FAM20C: variants seen among roughly 807,000 people sequenced by gnomAD.
FAM20C encodes extracellular serine/threonine protein kinase FAM20C.
In FAM20C, 40 loss-of-function variants were observed where a neutral mutation model predicts 51.5. The observed-to-expected ratio is 0.78, with a 90% CI of 0.60 to 1.01. FAM20C has a LOEUF of 1.01. FAM20C is among the 50% of genes least tolerant of loss of function. FAM20C has a pLI of 0.00. For missense variants in FAM20C, 861 were observed against 844.7 expected (o/e 1.02, Z -0.24); for synonymous variants, 406 against 380.6 (o/e 1.07, Z -0.78).
chr7:201,626 C>T (rs1786130574), intron 2 of FAM20C, among the ~76,000 whole-genome samples: 1 of 152,228 alleles, frequency 6.6e-6, no homozygotes, highest in African/African-American at 2.4e-5. Context: ...TGTGGCTTGC[C>T]TAAGGCCACA....
chr7:242,153 C>G (rs1266596554), intron 3 of FAM20C, among the ~76,000 whole-genome samples: 1 of 152,134 alleles, frequency 6.6e-6, no homozygotes, highest in Non-Finnish European at 1.5e-5. Flanking sequence ...CATCACCACA[C>G]GGTGAGCTCC....
intron 3 of FAM20C, among the ~76,000 whole-genome samples, chr7:233,127 C>T (rs1445518041): frequency 2.0e-5 from 3 of 152,228 alleles, no homozygotes; most frequent in South Asian, 2.1e-4. Flanking sequence ...TTCCAGACCT[C>T]GGTTTCCTTG....
At position 251,519 on chromosome 7, in the gene FAM20C, C is replaced by CAAA. The variant is rs748298637; in HGVS notation, c.1072+3099_1072+3101dup. On this transcript the variant is annotated intron_variant, in intron 5 of 9. Coordinates refer to ENST00000313766, the MANE Select transcript of FAM20C (RefSeq NM_020223.4). ...TGGGTGACAGAGTGAGACCCCGTCT[C>CAAA]AAAAAAAAAAAAGACTGAGTTGATT... Among the ~76,000 whole-genome samples, 579 of 137,364 alleles carry CAAA rather than the reference C, an allele frequency of 4.2e-3. 3 individuals are homozygous for CAAA. In the Middle Eastern group the frequency reaches 0.051, roughly 12 times the overall value. The allele number at this position is 137,364 out of a possible 152,430, so 90.1% of individuals were successfully genotyped here. A position where few individuals can be genotyped will look rare whatever the true frequency, so the allele number is the denominator to read the frequency against.
chr7:258,993 G>A (rs145261799), intron 9 of FAM20C, among the ~76,000 whole-genome samples: 13 of 152,338 alleles, frequency 8.5e-5, no homozygotes, highest in African/African-American at 1.9e-4. Flanking sequence ...CAGGGCAGAC[G>A]CCAGCTGAGA....
At chr7:258,438 C>A in intron 8 of FAM20C, among the ~76,000 whole-genome samples, 1 of 88,404 alleles carries the variant, frequency 1.1e-5, no homozygotes, top group Non-Finnish European at 2.4e-5. Flanking sequence ...GCCTGGGGTG[C>A]TGGAGATGGG....
intron 3 of FAM20C, among the ~76,000 whole-genome samples, chr7:218,944 C>T (rs1390375423): frequency 6.6e-6 from 1 of 152,034 alleles, no homozygotes; most frequent in Non-Finnish European, 1.5e-5. Context: ...TGACACGGGC[C>T]CAGGACGGAC....
intron 5 of FAM20C, among the ~76,000 whole-genome samples, chr7:254,732 C>T (rs1788523524): frequency 1.3e-5 from 2 of 152,178 alleles, no homozygotes; most frequent in African/African-American, 4.8e-5. Context: ...AAAAAGGAGC[C>T]CCGTACCATG....
chr7:194,174 C>T (rs768789164), intron 1 of FAM20C: 1 of 220,016 alleles, frequency 4.5e-6, no homozygotes, highest in South Asian at 1.5e-4. Flanking sequence ...AGACACTTGG[C>T]GAGGGTGCTC....
rs11546481 is a variant in FAM20C, at chr7:260,215, G to A, written c.*235G>A. The A allele has an allele frequency of 0.068, 33,356 of 488,066 alleles. 1,376 individuals are homozygous for A. Among genetic ancestry groups the A allele is most frequent in the Non-Finnish European group, 0.088 (25,217 of 286,772 alleles). 30.2% of individuals were successfully genotyped at this position (488,066 alleles called of 1,614,324 possible). A position where few individuals can be genotyped will look rare whatever the true frequency, so the allele number is the denominator to read the frequency against. ...TCTGTGCTCACGGACAGAGGCGGCCGGCGCCGGAGGCATTCCATCCTTTCT... is the reference window on the plus strand; with the variant it reads ...TCTGTGCTCACGGACAGAGGCGGCCAGCGCCGGAGGCATTCCATCCTTTCT... On this transcript the variant is annotated 3_prime_UTR_variant, in exon 10 of 10. Transcript: ENST00000313766.
chr7:250,360 G>C (rs1788348664), intron 5 of FAM20C, among the ~76,000 whole-genome samples: 1 of 152,194 alleles, frequency 6.6e-6, no homozygotes, highest in Non-Finnish European at 1.5e-5. Flanking sequence ...AGGACAGAAA[G>C]CTCCACAGAG....
At chr7:220,780 G>A (rs28533034) in intron 3 of FAM20C, among the ~76,000 whole-genome samples, 8,626 of 152,304 alleles carry the variant, frequency 0.057, 290 homozygotes, top group Non-Finnish European at 0.085. Context: ...TCTGGTGCTC[G>A]AGCATAGGAG....
At chr7:213,858 G>A (rs78733803) in intron 3 of FAM20C, among the ~76,000 whole-genome samples, 12,317 of 152,068 alleles carry the variant, frequency 0.081, 548 homozygotes, top group Non-Finnish European at 0.092. Context: ...CGGCCGTCCC[G>A]GTGGGGGTGG....
At chr7:199,059 T>G (rs1309665663) in intron 2 of FAM20C, among the ~76,000 whole-genome samples, 1 of 152,220 alleles carries the variant, frequency 6.6e-6, no homozygotes, top group Non-Finnish European at 1.5e-5. Flanking sequence ...GGTCTCCTGG[T>G]CTGCAGGGAA....
At chr7:231,202 G>T (rs1787659806) in intron 3 of FAM20C, among the ~76,000 whole-genome samples, 1 of 152,184 alleles carries the variant, frequency 6.6e-6, no homozygotes, top group African/African-American at 2.4e-5. Flanking sequence ...ACAGGAGTGG[G>T]TGCGCTGGGG....
chr7:195,053 G>T (rs1026124103), intron 1 of FAM20C, among the ~76,000 whole-genome samples: 1 of 152,196 alleles, frequency 6.6e-6, no homozygotes, highest in African/African-American at 2.4e-5. Context: ...TTAGCCTCTT[G>T]CATCATTGTG....
chr7:202,591 A>G (rs1166321967), intron 2 of FAM20C, among the ~76,000 whole-genome samples: 3 of 132,392 alleles, frequency 2.3e-5, no homozygotes, highest in Non-Finnish European at 4.8e-5. Flanking sequence ...GTACTGGGGA[A>G]TGGGGGGGCC....
chr7:212,431 C>G (rs907830624), intron 3 of FAM20C, among the ~76,000 whole-genome samples: 1 of 152,210 alleles, frequency 6.6e-6, no homozygotes, highest in African/African-American at 2.4e-5. Flanking sequence ...CCACTGCACT[C>G]CAGCCTGAGG....
At chr7:204,689 G>A (rs1199442320) in intron 2 of FAM20C, among the ~76,000 whole-genome samples, 2 of 152,256 alleles carry the variant, frequency 1.3e-5, no homozygotes, top group African/African-American at 2.4e-5. Context: ...CCACACTGCC[G>A]CTGTTCTCAG....
intron 3 of FAM20C, among the ~76,000 whole-genome samples, chr7:241,967 G>A (rs2115134730): frequency 6.6e-6 from 1 of 152,282 alleles, no homozygotes; most frequent in East Asian, 1.9e-4. Flanking sequence ...TGTAGTGGGT[G>A]GTTAGAACTA....
Sources: gnomAD v4.1 joint callset for allele counts (sites outside exome capture counted in the v4.1 genomes callset) on GRCh38, gnomAD v4.1.1 for gene constraint, MANE v1.5 for transcripts, NCBI Gene and HGNC (gene_info 2026-07-23, HGNC 2026-07-21) for gene names.